Variants in WWP2 observed in about 807,000 individuals in gnomAD.
WWP2 encodes NEDD4-like E3 ubiquitin-protein ligase WWP2.
In WWP2, 57 loss-of-function variants were observed where a neutral mutation model predicts 121.0. The observed-to-expected ratio is 0.47, with a 90% CI of 0.38 to 0.59. The LOEUF (loss-of-function observed/expected upper bound fraction) is 0.59, where lower values mean the gene tolerates loss of function less well. WWP2 is among the 20% of genes least tolerant of loss of function. The pLI is 0.00. For synonymous variants in WWP2, 449 were observed against 441.3 expected (o/e 1.02, Z -0.22); for missense variants, 962 against 1,158.9 (o/e 0.83, Z 2.47).
At chr16:69,847,338 G>A (rs1391794892) in intron 6 of WWP2, among the ~76,000 whole-genome samples, 4 of 151,240 alleles carry the variant, frequency 2.6e-5, no homozygotes, top group Non-Finnish European at 5.9e-5. Flanking sequence ...ACGCACCTTG[G>A]CCTCCCAAAG....
At chr16:69,894,448 T>C (rs2058078314) in intron 8 of WWP2, among the ~76,000 whole-genome samples, 1 of 152,168 alleles carries the variant, frequency 6.6e-6, no homozygotes, top group South Asian at 2.1e-4. Flanking sequence ...GTCTGCACGT[T>C]TTAAGAACTG....
chr16:69,906,718 C>A (rs1212443013), intron 8 of WWP2, among the ~76,000 whole-genome samples: 4 of 151,898 alleles, frequency 2.6e-5, no homozygotes. Flanking sequence ...CCTGTCTCTA[C>A]GAAATAAAAA....
chr16:69,920,006 G>T (rs996362241), intron 10 of WWP2, among the ~76,000 whole-genome samples: 4 of 151,926 alleles, frequency 2.6e-5, no homozygotes, highest in Non-Finnish European at 5.9e-5. Flanking sequence ...TGTTGCCCAG[G>T]CTGGTCTTGA....
At chr16:69,808,410 A>AT (rs917543504) in intron 4 of WWP2, among the ~76,000 whole-genome samples, 1 of 149,146 alleles carries the variant, frequency 6.7e-6, no homozygotes, top group South Asian at 2.1e-4. Flanking sequence ...TTTTATTTTT[A>AT]TTTTTTTTGA....
chr16:69,774,112 G>C (rs1175977164), intron 1 of WWP2, among the ~76,000 whole-genome samples: 1 of 152,014 alleles, frequency 6.6e-6, no homozygotes, highest in African/African-American at 2.4e-5. Flanking sequence ...CTGCTCCAAG[G>C]CATTTGATCC....
At position 69,797,306 on chromosome 16, in the gene WWP2, C is replaced by G. The variant is rs75918479; in HGVS notation, c.71-1376C>G. Among the ~76,000 whole-genome samples the G allele has an allele frequency of 5.2e-3, 798 of 152,196 alleles. 12 individuals carry two copies. The highest frequency in any genetic ancestry group is 0.018 in the African/African-American group (748 of 41,520). On this transcript the variant is annotated intron_variant, in intron 2 of 23. Coordinates refer to ENST00000359154, the MANE Select transcript of WWP2 (RefSeq NM_001270454.2). ...AAAAATATTCAACCTTGCTGGTAATCGAAGAACAGCAATAGAACAAATAAG... is the reference window on the plus strand; with the variant it reads ...AAAAATATTCAACCTTGCTGGTAATGGAAGAACAGCAATAGAACAAATAAG...
chr16:69,771,915 T>C (rs1361769804), intron 1 of WWP2, among the ~76,000 whole-genome samples: 1 of 151,512 alleles, frequency 6.6e-6, no homozygotes, highest in African/African-American at 2.4e-5. Context: ...GTCTTGAGTT[T>C]GGTTTCACCT....
intron 6 of WWP2, among the ~76,000 whole-genome samples, chr16:69,860,498 A>G (rs2057396093): frequency 6.6e-6 from 1 of 152,212 alleles, no homozygotes; most frequent in Non-Finnish European, 1.5e-5. Context: ...CTGGGAGATG[A>G]GGGACATTTG....
intron 1 of WWP2, among the ~76,000 whole-genome samples, chr16:69,763,286 C>A (rs562637005): frequency 6.6e-6 from 1 of 152,292 alleles, no homozygotes; most frequent in South Asian, 2.1e-4. Flanking sequence ...TCTTGACGAA[C>A]TGTAACTAGG....
At chr16:69,817,178 G>A (rs563332226) in intron 4 of WWP2, among the ~76,000 whole-genome samples, 2 of 152,036 alleles carry the variant, frequency 1.3e-5, no homozygotes, top group East Asian at 3.9e-4. Flanking sequence ...TTTGTAACTT[G>A]ATTTTTTCAC....
At chr16:69,789,478 T>G (rs2055862951) in intron 2 of WWP2, among the ~76,000 whole-genome samples, 1 of 152,200 alleles carries the variant, frequency 6.6e-6, no homozygotes, top group Non-Finnish European at 1.5e-5. Context: ...TCTCCCCGCC[T>G]CGGCCTCCCA....
intron 7 of WWP2, among the ~76,000 whole-genome samples, chr16:69,883,152 CA>C (rs111625113): frequency 0.036 from 4,289 of 120,648 alleles, 143 homozygotes; most frequent in African/African-American, 0.11. Flanking sequence ...GACTCCATCT[CA>C]AAAAAAAAAA....
intron 4 of WWP2, among the ~76,000 whole-genome samples, chr16:69,838,298 G>A (rs2056912100): frequency 6.6e-6 from 1 of 151,938 alleles, no homozygotes; most frequent in Admixed American, 6.6e-5. Flanking sequence ...TTTGCTTCAC[G>A]GTGCACAGCT....
chr16:69,937,598 C>T lies in WWP2; in HGVS notation c.2289C>T (p.Ser763=). 2 of 1,613,950 alleles carry T rather than the reference C, an allele frequency of 1.2e-6. No homozygotes were observed. Among genetic ancestry groups the T allele is most frequent in the South Asian group, 2.2e-5 (2 of 91,034 alleles). ...QEIDMSDWQK[S]TIYRHYTKNS... is the part of the protein sequence containing the mutation. Reference sequence around the variant, plus strand: ...TAGACATGAGCGACTGGCAGAAGAGCACCATCTACCGGCACTACACCAAGA... The same window carrying T: ...TAGACATGAGCGACTGGCAGAAGAGTACCATCTACCGGCACTACACCAAGA... The change falls in exon 21 of 24, where the codon AGC becomes AGT. Residue 763 remains serine, a synonymous_variant. Transcript: ENST00000359154. This position sits in a 1 kb window ranked among gnomAD's most constrained non-coding sequence, Gnocchi z 6.6.
At chr16:69,797,440 A>T (rs1485831409) in intron 2 of WWP2, among the ~76,000 whole-genome samples, 3 of 152,124 alleles carry the variant, frequency 2.0e-5, no homozygotes, top group Non-Finnish European at 4.4e-5. Context: ...CTTGCCTCTC[A>T]AGCCTGTTTT....
At position 69,836,531 on chromosome 16, in the gene WWP2, C is replaced by G. The variant is rs576161988; in HGVS notation, c.341-3595C>G. 6.6e-5 allele frequency among the ~76,000 whole-genome samples: 10 copies of G among 152,242 alleles called. 1 individual carries two copies. The South Asian group carries it at 2.1e-3, about 32-fold the overall frequency. Reference sequence around the variant, plus strand: ...TGACAGCCAGAGGTCTCAAATAGAACAGAGGAGGGTTATGTTCTCAAAAGT... The same window carrying G: ...TGACAGCCAGAGGTCTCAAATAGAAGAGAGGAGGGTTATGTTCTCAAAAGT... On this transcript the variant is annotated intron_variant, in intron 4 of 23. Transcript: ENST00000359154.
chr16:69,766,704 T>C (rs1277267135), intron 1 of WWP2, among the ~76,000 whole-genome samples: 1 of 152,156 alleles, frequency 6.6e-6, no homozygotes, highest in Non-Finnish European at 1.5e-5. Flanking sequence ...CCTCACTTCC[T>C]CAGATCTTTA....
intron 1 of WWP2, among the ~76,000 whole-genome samples, chr16:69,772,785 G>A (rs993006582): frequency 6.6e-6 from 1 of 151,902 alleles, no homozygotes; most frequent in African/African-American, 2.4e-5. Flanking sequence ...GTCCTGAGTC[G>A]AGTCCTCCCT....
At position 69,929,548 on chromosome 16, in the gene WWP2, A is replaced by G; in HGVS notation, c.1316+19A>G. 1.2e-6 allele frequency: 2 copies of G among 1,612,004 alleles called. No homozygotes were observed. Among genetic ancestry groups the G allele is most frequent in the Non-Finnish European group, 1.7e-6 (2 of 1,178,300 alleles). ...CCCAGGGGTAAGGACTTGGGCTGAG[A>G]GGGGGGCCGGGCTGGGCTGGGTCTC... On this transcript the variant is annotated intron_variant, in intron 12 of 23. Transcript: ENST00000359154.
Sources: allele counts gnomAD v4.1 joint callset (sites outside exome capture counted in the v4.1 genomes callset), GRCh38; gene constraint gnomAD v4.1.1; non-coding constraint Gnocchi (gnomAD v3.1); transcripts MANE v1.5; gene names NCBI Gene and HGNC (gene_info 2026-07-23, HGNC 2026-07-21).